The following GLB1L3 variants were observed in gnomAD, a reference collection of about 807,000 sequenced individuals.
GLB1L3 encodes galactosidase beta 1 like 3.
GLB1L3 carries 89 observed loss-of-function variants against 89.5 expected under a neutral mutation model. The observed-to-expected ratio is 0.99, with a 90% CI of 0.84 to 1.19. The LOEUF is 1.19. Among genes scored for constraint, GLB1L3 ranks in the 50% most tolerant of loss-of-function variants. The pLI is 0.00. For synonymous variants in GLB1L3, 314 were observed against 312.3 expected (o/e 1.01, Z -0.06); for missense variants, 812 against 813.3 (o/e 1.00, Z 0.02).
intron 7 of GLB1L3, among the ~76,000 whole-genome samples, chr11:134,290,249 G>A (rs1038502624): frequency 6.7e-6 from 1 of 150,238 alleles, no homozygotes; most frequent in African/African-American, 2.4e-5. Flanking sequence ...TTAATCGGTT[G>A]TGTTCAGCCA....
At chr11:134,311,397 G>C in intron 13 of GLB1L3, 1 of 522,876 alleles carries the variant, frequency 1.9e-6, no homozygotes, top group South Asian at 2.3e-5. Context: ...AGGATCCCGG[G>C]TTCCCGCTTA....
chr11:134,316,022 C>T (rs981280268), intron 18 of GLB1L3, among the ~76,000 whole-genome samples: 7 of 152,028 alleles, frequency 4.6e-5, no homozygotes, highest in African/African-American at 7.2e-5. Context: ...TTAAAGTGAA[C>T]GATTAAGTAG....
intron 9 of GLB1L3, among the ~76,000 whole-genome samples, chr11:134,298,470 A>G (rs1292865193): frequency 1.3e-5 from 2 of 152,152 alleles, no homozygotes; most frequent in South Asian, 2.1e-4. Context: ...TACATTACTG[A>G]TATGGTTTGG....
In GLB1L3 at chr11:134,276,772, T is replaced by C; in HGVS notation, c.23+9T>C. 1 of 1,442,422 alleles carries C rather than the reference T, an allele frequency of 6.9e-7. No homozygotes were observed. The highest frequency in any genetic ancestry group is 1.4e-5 in the South Asian group (1 of 73,168). 89.4% of individuals were successfully genotyped at this position (1,442,422 alleles called of 1,614,324 possible). A position where few individuals can be genotyped will look rare whatever the true frequency, so the allele number is the denominator to read the frequency against. On this transcript the variant is annotated intron_variant, in intron 1 of 19. Coordinates refer to ENST00000431683, the MANE Select transcript of GLB1L3 (RefSeq NM_001080407.3). ...TCCCCGCCCCTCCTCAGGTGACGGA[T>C]CGCCGCTGCCGTCCCGGGCTGCCCA... is the stretch of plus-strand genomic sequence containing the variant.
At chr11:134,310,089 A>G in intron 11 of GLB1L3, 1 of 418,752 alleles carries the variant, frequency 2.4e-6, no homozygotes, top group Non-Finnish European at 4.3e-6. Flanking sequence ...GGCGATACAG[A>G]CTGAGCAAAG....
intron 9 of GLB1L3, among the ~76,000 whole-genome samples, chr11:134,296,015 G>C (rs961599652): frequency 5.3e-4 from 81 of 152,038 alleles, no homozygotes; most frequent in African/African-American, 1.9e-3. Flanking sequence ...GTTAAGGTTT[G>C]TTTCATGGAT....
chr11:134,308,903 A>T (rs916112284), intron 10 of GLB1L3, among the ~76,000 whole-genome samples: 1 of 152,092 alleles, frequency 6.6e-6, no homozygotes, highest in Non-Finnish European at 1.5e-5. Flanking sequence ...ATTGACTCCC[A>T]CTCTAAATGA....
intron 10 of GLB1L3, among the ~76,000 whole-genome samples, chr11:134,308,562 C>CCAT (rs1942517018): frequency 2.2e-5 from 3 of 136,186 alleles, no homozygotes; most frequent in Admixed American, 7.3e-5. Flanking sequence ...ACCATCACCA[C>CCAT]CACCACCACC....
intron 5 of GLB1L3, among the ~76,000 whole-genome samples, chr11:134,282,955 C>G (rs1223474651): frequency 6.6e-6 from 1 of 152,180 alleles, no homozygotes; most frequent in Admixed American, 6.5e-5. Context: ...TCCCCAGTGA[C>G]CTGGAGTGGG....
At chr11:134,305,949 A>G (rs1942188077) in intron 9 of GLB1L3, among the ~76,000 whole-genome samples, 1 of 152,224 alleles carries the variant, frequency 6.6e-6, no homozygotes, top group Non-Finnish European at 1.5e-5. Flanking sequence ...AAAAGAGACA[A>G]GATAAACGTC....
chr11:134,310,313 G>T (rs1942660382), intron 11 of GLB1L3: 1 of 521,930 alleles, frequency 1.9e-6, no homozygotes, highest in Non-Finnish European at 3.4e-6. Context: ...CATGAGCTGT[G>T]GGTTGAACAA....
chr11:134,280,980 C>T (rs2136108762), intron 3 of GLB1L3, among the ~76,000 whole-genome samples: 1 of 152,326 alleles, frequency 6.6e-6, no homozygotes, highest in East Asian at 1.9e-4. Context: ...ACTGTAACTC[C>T]ACTATCTTCA....
chr11:134,283,606 C>T, intron 5 of GLB1L3, 131 bp from the exon 6 acceptor site: 1 of 596,482 alleles, frequency 1.7e-6, no homozygotes, highest in Non-Finnish European at 3.0e-6. Flanking sequence ...CTTTCCAGGA[C>T]CCGAGTGCTC....
At chr11:134,283,664 G>T in intron 5 of GLB1L3, 73 bp from the exon 6 acceptor site, 2 of 791,832 alleles carry the variant, frequency 2.5e-6, no homozygotes, top group Non-Finnish European at 2.1e-6. Flanking sequence ...GCGAGCCGGG[G>T]CAGCTCTGAG....
chr11:134,298,745 T>C (rs957402749), intron 9 of GLB1L3, among the ~76,000 whole-genome samples: 1 of 152,178 alleles, frequency 6.6e-6, no homozygotes, highest in Non-Finnish European at 1.5e-5. Flanking sequence ...TATGTGGAAC[T>C]GTAAGTCCAA....
At chr11:134,316,329 T>C (rs1180278459) in intron 18 of GLB1L3, among the ~76,000 whole-genome samples, 1 of 152,072 alleles carries the variant, frequency 6.6e-6, no homozygotes, top group African/African-American at 2.4e-5. Flanking sequence ...TTCATATCAG[T>C]GCATTATTTT....
chr11:134,311,340 G>C (rs1942725628), intron 13 of GLB1L3, 170 bp downstream of exon 13: 1 of 627,714 alleles, frequency 1.6e-6, no homozygotes, highest in Admixed American at 2.6e-5. Flanking sequence ...CTGTGAAGGG[G>C]TTTGACCTTG....
chr11:134,276,651 G>A lies in GLB1L3; in HGVS notation c.-90G>A, dbSNP rs530949285. On this transcript the variant is annotated 5_prime_UTR_variant, in exon 1 of 20. Transcript: ENST00000431683. ...AGACCTGAGCCTGCCCCGCGGAACC[G>A]GGGCTCGAGTCCCGGCCCGAGCGCG... The A allele has an allele frequency of 2.5e-6, 3 of 1,199,228 alleles. No individual in the cohort carries two copies. The highest frequency in any genetic ancestry group is 4.3e-5 in the South Asian group (2 of 46,700). 74.3% of individuals were successfully genotyped at this position (1,199,228 alleles called of 1,614,324 possible).
At chr11:134,308,472 A>AT (rs761214840) in intron 10 of GLB1L3, among the ~76,000 whole-genome samples, 6 of 5,078 alleles carry the variant, frequency 1.2e-3, no homozygotes, top group Non-Finnish European at 2.0e-3. Flanking sequence ...CACCACCACC[A>AT]AATACCACCA....
Sources: allele counts gnomAD v4.1 joint callset (sites outside exome capture counted in the v4.1 genomes callset), GRCh38; gene constraint gnomAD v4.1.1; transcripts MANE v1.5; gene names NCBI Gene and HGNC (gene_info 2026-07-23, HGNC 2026-07-21).